OTUD4: variants seen among roughly 807,000 people sequenced by gnomAD.
OTUD4 encodes OTU deubiquitinase 4, also known as OTU domain-containing protein 4.
In OTUD4, 24 loss-of-function variants were observed where a neutral mutation model predicts 130.4. The observed-to-expected ratio is 0.18, with a 90% CI of 0.13 to 0.26. The LOEUF (loss-of-function observed/expected upper bound fraction) is 0.26, where lower values mean the gene tolerates loss of function less well. Among genes scored for constraint, OTUD4 ranks in the 10% least tolerant of loss-of-function variants. The probability of loss-of-function intolerance (pLI) is 1.00; values close to 1 mark genes in which losing one functional copy is unlikely to be tolerated. For synonymous variants in OTUD4, 420 were observed against 472.5 expected, an observed-to-expected ratio of 0.89 and a Z score of 1.44; for missense variants, 1,031 against 1,329.4, an observed-to-expected ratio of 0.78 and a Z score of 3.49.
intron 3 of OTUD4, among the ~76,000 whole-genome samples, chr4:145,167,421 T>A (rs1751929968): frequency 6.6e-6 from 1 of 152,206 alleles, no homozygotes; most frequent in South Asian, 2.1e-4. Flanking sequence ...AGCCTCAGCC[T>A]AACAATCATG....
rs187848874 is a variant in OTUD4 at position 145,147,216 on chromosome 4, T to C, written c.1260-787A>G. On this transcript the variant is annotated intron_variant, in intron 13 of 20. Coordinates refer to ENST00000447906, the MANE Select transcript of OTUD4 (RefSeq NM_001366057.1). ...ACTTTGTCACAGTACAAAGAAATAT[T>C]ATCCTCCTCGAGTAGAGCACTATGA... is the stretch of plus-strand genomic sequence containing the variant. 2.0e-4 allele frequency among the ~76,000 whole-genome samples: 30 copies of C among 152,290 alleles called. No individual in the cohort carries two copies. The South Asian group carries it at 5.2e-3, about 26-fold the overall frequency.
At chr4:145,163,948 T>C (rs552047193) in intron 5 of OTUD4, among the ~76,000 whole-genome samples, 88 of 152,304 alleles carry the variant, frequency 5.8e-4, no homozygotes, top group African/African-American at 2.0e-3. Flanking sequence ...CCTCAAGTGA[T>C]CTGCCTGCCT....
chr4:145,138,159 T>G lies in OTUD4; in HGVS notation c.2616A>C (p.Glu872Asp). 2 of 1,614,034 alleles carry G rather than the reference T, an allele frequency of 1.2e-6. No homozygotes were observed. Among genetic ancestry groups the G allele is most frequent in the Non-Finnish European group, 1.7e-6 (2 of 1,179,880 alleles). ...CAATATTCTGCCTCATTACTGGATT[T>G]TCTATGAATCCCTGAAAAGGGTACC... ...WYGYPFQGFI[E>D]NPVMRQNIVL... The change falls in exon 21 of 21, where the codon GAA (glutamate) becomes GAC (aspartate). Residue 872 changes from glutamate to aspartate, a missense_variant. By Grantham distance (45) the Glu-to-Asp change is conservative. Coordinates refer to ENST00000447906, the MANE Select transcript of OTUD4 (RefSeq NM_001366057.1).
intron 19 of OTUD4, among the ~76,000 whole-genome samples, chr4:145,140,510 G>C (rs1750507755): frequency 6.6e-6 from 1 of 152,034 alleles, no homozygotes; most frequent in African/African-American, 2.4e-5. Context: ...GCATATAGTA[G>C]TCAGTGCATT....
intron 7 of OTUD4, 86 bp downstream of exon 7, chr4:145,159,417 A>C (rs1751446625): frequency 6.3e-7 from 1 of 1,583,256 alleles, no homozygotes; most frequent in Non-Finnish European, 8.6e-7. Context: ...TATATGTTAT[A>C]GAAAGACATT....
intron 1 of OTUD4, among the ~76,000 whole-genome samples, chr4:145,179,177 T>A (rs545721981): frequency 7.9e-5 from 12 of 152,304 alleles, no homozygotes; most frequent in African/African-American, 2.4e-4. Context: ...CAGGCTTTTT[T>A]AAAAAAGTCA....
chr4:145,179,777 G>A (rs1268546941), intron 1 of OTUD4, 38 bp downstream of exon 1: 4 of 326,368 alleles, frequency 1.2e-5, no homozygotes, highest in Admixed American at 1.0e-4. Flanking sequence ...GGCCGTCCCC[G>A]CCTCCCCTCG....
intron 7 of OTUD4, 89 bp downstream of exon 7, chr4:145,159,414 T>C (rs1751446262): frequency 5.0e-6 from 8 of 1,585,038 alleles, no homozygotes; most frequent in South Asian, 1.1e-5. Context: ...CAATATATGT[T>C]ATAGAAAGAC....
At chr4:145,164,420 A>T (rs1751744149) in intron 4 of OTUD4, among the ~76,000 whole-genome samples, 194 bp from the exon 5 acceptor site, 1 of 152,066 alleles carries the variant, frequency 6.6e-6, no homozygotes, top group South Asian at 2.1e-4. Context: ...GTAAAATTTC[A>T]AATATTATTT....
In OTUD4 at chr4:145,150,575, T is replaced by C. The variant is rs760761165; in HGVS notation, c.1197A>G (p.Ser399=). 13 of 1,612,902 alleles carry C rather than the reference T, an allele frequency of 8.1e-6. No individual in the cohort carries two copies. The highest frequency in any genetic ancestry group is 1.0e-5 in the Non-Finnish European group (12 of 1,178,970). Reference sequence around the variant, plus strand: ...GCTCACTGGAGAATTTCTGAGACTGTGACCCTGAAGAATGACTAGAGAACG... The same window carrying C: ...GCTCACTGGAGAATTTCTGAGACTGCGACCCTGAAGAATGACTAGAGAACG... The part of the protein sequence containing the change: ...QHAFSSHSSG[S]QSQKFSSEHK... Residue 399 remains serine (S), a synonymous_variant, in exon 13 of 21, where the codon TCA becomes TCG. Transcript: ENST00000447906.
At position 145,180,266 on chromosome 4, in the gene OTUD4, TC is replaced by T. The variant is rs915692292; in HGVS notation, c.-294del. ...AAAACCCCGAGAGTGAGTAGTCACT[TC>T]CCGACGGCCTCGCTGCCTGACTCAG... On this transcript the variant is annotated 5_prime_UTR_variant, in exon 1 of 21. Transcript: ENST00000447906. 2 of 154,370 alleles carry T rather than the reference TC, an allele frequency of 1.3e-5. No individual in the cohort carries two copies. Among genetic ancestry groups the T allele is most frequent in the African/African-American group, 4.8e-5 (2 of 41,434 alleles). 9.6% of individuals were successfully genotyped at this position (154,370 alleles called of 1,614,324 possible).
chr4:145,146,035 A>T (rs1750804229), intron 14 of OTUD4: 1 of 317,052 alleles, frequency 3.2e-6, no homozygotes, highest in South Asian at 1.4e-4. Flanking sequence ...CAAGTGAACA[A>T]ACCAGTTTAC....
At position 145,135,080 on chromosome 4, in the gene OTUD4, ACTT is replaced by A. The variant is rs1054105955; in HGVS notation, c.*2347_*2349del. 2.6e-6 allele frequency: 1 copy of A among 378,244 alleles called. No homozygotes were observed. The highest frequency in any genetic ancestry group is 4.6e-6 in the Non-Finnish European group (1 of 215,748). 23.4% of individuals were successfully genotyped at this position (378,244 alleles called of 1,614,324 possible). ...CCTGGACTAATACATTTAAAAACAA[ACTT>A]AAAGGAAAAAAAGCGAAACCAACCT... On this transcript the variant is annotated 3_prime_UTR_variant, in exon 21 of 21. Coordinates refer to ENST00000447906, the MANE Select transcript of OTUD4 (RefSeq NM_001366057.1).
chr4:145,154,137 C>T (rs1339330253), intron 10 of OTUD4, among the ~76,000 whole-genome samples: 1 of 152,186 alleles, frequency 6.6e-6, no homozygotes, highest in Non-Finnish European at 1.5e-5. Flanking sequence ...CAGCATAAGC[C>T]ATCTTCTCTT....
At position 145,134,897 on chromosome 4, in the gene OTUD4, T is replaced by C; in HGVS notation, c.*2533A>G. The C allele has an allele frequency of 5.0e-6, 2 of 398,944 alleles. No homozygotes were observed. Among genetic ancestry groups the C allele is most frequent in the Non-Finnish European group, 8.9e-6 (2 of 225,950 alleles). 24.7% of individuals were successfully genotyped at this position (398,944 alleles called of 1,614,324 possible). ...ATGATCATAATATGGTGAAGTTTCA[T>C]AATTTCCAACTCAAAAATACAAATG... On this transcript the variant is annotated 3_prime_UTR_variant, in exon 21 of 21. Coordinates refer to ENST00000447906, the MANE Select transcript of OTUD4 (RefSeq NM_001366057.1).
At position 145,163,703 on chromosome 4, in the gene OTUD4, C is replaced by T. The variant is rs36224849; in HGVS notation, c.414+451G>A. Among the ~76,000 whole-genome samples the T allele has an allele frequency of 5.1e-3, 642 of 126,500 alleles. 3 individuals are homozygous for T. The highest frequency in any genetic ancestry group is 0.018 in the African/African-American group (589 of 33,604). 83.0% of individuals were successfully genotyped at this position (126,500 alleles called of 152,430 possible). Reference sequence around the variant, plus strand: ...TGACTAAGTGACAATTAATAGGAACCTTTTTTTTTTTTTTTTTTTTAAGAC... The same window carrying T: ...TGACTAAGTGACAATTAATAGGAACTTTTTTTTTTTTTTTTTTTTTAAGAC... On this transcript the variant is annotated intron_variant, in intron 5 of 20. Transcript: ENST00000447906.
chr4:145,176,656 G>C (rs766006632), intron 1 of OTUD4, among the ~76,000 whole-genome samples: 29 of 152,096 alleles, frequency 1.9e-4, no homozygotes, highest in Admixed American at 7.2e-4. Flanking sequence ...CCGAGATCGT[G>C]CCAGGGCACT....
chr4:145,155,077 C>T (rs1751224758), intron 10 of OTUD4, among the ~76,000 whole-genome samples: 1 of 152,154 alleles, frequency 6.6e-6, no homozygotes, highest in South Asian at 2.1e-4. Context: ...CCTATAAAGT[C>T]AATTTTGAAT....
chr4:145,141,001 T>C (rs1750535331), intron 19 of OTUD4, among the ~76,000 whole-genome samples: 2 of 151,248 alleles, frequency 1.3e-5, no homozygotes, highest in Admixed American at 1.3e-4. Context: ...CCGTCTCTAC[T>C]AAAAAATACA....
Sources: gnomAD v4.1 joint callset for allele counts (sites outside exome capture counted in the v4.1 genomes callset) on GRCh38, gnomAD v4.1.1 for gene constraint, MANE v1.5 for transcripts, NCBI Gene and HGNC (gene_info 2026-07-23, HGNC 2026-07-21) for gene names.